Variants in PALM2AKAP2 observed in about 807,000 individuals in gnomAD.
PALM2AKAP2 encodes PALM2 and AKAP2 fusion, also known as PALM2-AKAP2 fusion protein.
Under a neutral mutation model 71.5 loss-of-function variants are expected in PALM2AKAP2, and 37 were observed. The ratio of observed to expected loss-of-function variants is 0.52; its 90% CI spans 0.40 to 0.68. The LOEUF (loss-of-function observed/expected upper bound fraction) is 0.68. Ranked by LOEUF, PALM2AKAP2 falls within the 30% of genes least tolerant of loss-of-function variation. The pLI is 0.00. For missense variants in PALM2AKAP2, 1,224 were observed against 1,191.8 expected (o/e 1.03, Z -0.40); for synonymous variants, 468 against 478.8 (o/e 0.98, Z 0.29).
chr9:110,112,495 A>G (rs1252244291), intron 1 of PALM2AKAP2, among the ~76,000 whole-genome samples: 1 of 152,228 alleles, frequency 6.6e-6, no homozygotes, highest in African/African-American at 2.4e-5. Flanking sequence ...TAGGTATTCA[A>G]TTAATAATTG....
intron 1 of PALM2AKAP2, among the ~76,000 whole-genome samples, chr9:109,718,151 G>T (rs575501606): frequency 5.9e-5 from 9 of 151,980 alleles, no homozygotes; most frequent in Non-Finnish European, 1.0e-4. Context: ...CACGATCTTG[G>T]CTCACTGCAG....
At chr9:109,773,328 G>T (rs1829300619) in intron 1 of PALM2AKAP2, among the ~76,000 whole-genome samples, 1 of 151,930 alleles carries the variant, frequency 6.6e-6, no homozygotes. Flanking sequence ...GTAGAGGTAG[G>T]GTCTCACTAT....
chr9:109,843,301 C>CAA (rs35634219), intron 1 of PALM2AKAP2, among the ~76,000 whole-genome samples: 4,058 of 66,576 alleles, frequency 0.061, 213 homozygotes, highest in Middle Eastern at 0.085. Context: ...GCCCCTGTCT[C>CAA]AAAAAAAAAA....
rs76969358 is a variant in PALM2AKAP2, at chr9:109,786,625, G to T, written c.45+6092G>T. ...AGGTGACACTTTGGGCCCATGCAGG[G>T]TCATTGCTGTGTCTGGGAGTGCCAA... On this transcript the variant is annotated intron_variant, in intron 1 of 9. Transcript: ENST00000302798. Among the ~76,000 whole-genome samples, 418 of 152,238 alleles carry T rather than the reference G, an allele frequency of 2.7e-3. 3 individuals carry two copies. Among genetic ancestry groups the T allele is most frequent in the African/African-American group, 9.7e-3 (401 of 41,532 alleles).
At chr9:109,731,910 T>C (rs1434399787) in intron 1 of PALM2AKAP2, among the ~76,000 whole-genome samples, 1 of 152,092 alleles carries the variant, frequency 6.6e-6, no homozygotes, top group Non-Finnish European at 1.5e-5. Context: ...TGAGATGACA[T>C]TGGCTTTGAT....
chr9:109,963,194 G>A (rs1831883411), intron 6 of PALM2AKAP2, among the ~76,000 whole-genome samples: 1 of 152,198 alleles, frequency 6.6e-6, no homozygotes, highest in Non-Finnish European at 1.5e-5. Flanking sequence ...CAAAGGGCCT[G>A]AAATAGGAAG....
chr9:109,741,442 A>T (rs559289854), intron 1 of PALM2AKAP2, among the ~76,000 whole-genome samples: 1 of 152,182 alleles, frequency 6.6e-6, no homozygotes, highest in Non-Finnish European at 1.5e-5. Context: ...CTTATTGTGC[A>T]TATACGTTTG....
chr9:109,844,934 T>C (rs1238890022), intron 1 of PALM2AKAP2, among the ~76,000 whole-genome samples: 2 of 121,590 alleles, frequency 1.6e-5, no homozygotes, highest in East Asian at 2.4e-4. Context: ...GAAAATGATG[T>C]GTGTGTGTGT....
chr9:109,666,929 G>A (rs1165916031), intron 1 of PALM2AKAP2, among the ~76,000 whole-genome samples: 2 of 152,210 alleles, frequency 1.3e-5, no homozygotes, highest in Non-Finnish European at 2.9e-5. Flanking sequence ...TGCATAACTT[G>A]TGCAGAAAAT....
chr9:110,154,084 A>G (rs1261626056), intron 2 of PALM2AKAP2, among the ~76,000 whole-genome samples: 2 of 152,208 alleles, frequency 1.3e-5, no homozygotes, highest in African/African-American at 2.4e-5. Context: ...AATATGCATG[A>G]AATTGTTCAT....
rs181797987 is a variant in PALM2AKAP2 at position 109,840,586 on chromosome 9, C to T, written c.46-26905C>T. On this transcript the variant is annotated intron_variant, in intron 1 of 9. Transcript: ENST00000302798. ...ACCATCAGAGTGAACAGGCAACCTA[C>T]AGAATGGGAGAACATTTTTGCAATC... is the stretch of plus-strand genomic sequence containing the variant. Among the ~76,000 whole-genome samples the T allele has an allele frequency of 1.2e-4, 18 of 152,282 alleles. No homozygotes were observed. The East Asian group carries it at 3.3e-3, about 28-fold the overall frequency.
chr9:110,136,638 A>T (rs771789071), exon 2 of PALM2AKAP2: 2 of 1,614,120 alleles, frequency 1.2e-6, no homozygotes, highest in East Asian at 2.2e-5. Flanking sequence ...ACAAATGGCC[A>T]TTCCCCCAGC....
chr9:110,113,951 T>C (rs12350733), intron 1 of PALM2AKAP2, among the ~76,000 whole-genome samples: 6,217 of 152,294 alleles, frequency 0.041, 417 homozygotes, highest in African/African-American at 0.14. Flanking sequence ...TACCTGGCAT[T>C]GAAGTCCTAC....
intron 6 of PALM2AKAP2, among the ~76,000 whole-genome samples, chr9:109,978,151 C>T (rs1832205118): frequency 6.6e-6 from 1 of 151,956 alleles, no homozygotes; most frequent in African/African-American, 2.4e-5. Context: ...CTCCTCAGGA[C>T]CAGGTGCTGA....
chr9:109,931,799 C>T, intron 5 of PALM2AKAP2, 128 bp from the exon 6 acceptor site: 1 of 1,017,082 alleles, frequency 9.8e-7, no homozygotes, highest in Non-Finnish European at 1.5e-6. Flanking sequence ...TTTGTTTACC[C>T]TGATCCTCCT....
chr9:109,652,282 G>GTCATGAGGGTGGATCCCTCATGAATGGC (rs1315223710), intron 1 of PALM2AKAP2, among the ~76,000 whole-genome samples: 1 of 152,128 alleles, frequency 6.6e-6, no homozygotes, highest in Non-Finnish European at 1.5e-5. Context: ...AAGTGTTTGA[G>GTCATGAGGGTGGATCCCTCATGAATGGC]TCATGAGGGT....
intron 3 of PALM2AKAP2, among the ~76,000 whole-genome samples, chr9:109,916,580 C>T (rs536084215): frequency 6.6e-6 from 1 of 152,352 alleles, no homozygotes; most frequent in East Asian, 1.9e-4. Flanking sequence ...TTGGCCCATG[C>T]TGTCTCCTCT....
chr9:109,720,889 A>G (rs868446404), intron 1 of PALM2AKAP2, among the ~76,000 whole-genome samples: 19 of 152,222 alleles, frequency 1.2e-4, no homozygotes, highest in African/African-American at 4.6e-4. Flanking sequence ...CACTAGGGAT[A>G]GAGCAGTAAG....
chr9:109,855,508 T>C (rs1829139243), intron 1 of PALM2AKAP2, among the ~76,000 whole-genome samples: 1 of 152,266 alleles, frequency 6.6e-6, no homozygotes, highest in African/African-American at 2.4e-5. Flanking sequence ...ATGAGAGACA[T>C]GGTCTCTGCC....
Sources: gnomAD v4.1 joint callset for allele counts (sites outside exome capture counted in the v4.1 genomes callset) on GRCh38, gnomAD v4.1.1 for gene constraint, MANE v1.5 for transcripts, NCBI Gene and HGNC (gene_info 2026-07-23, HGNC 2026-07-21) for gene names.